Variants in MOCS2 observed in about 807,000 individuals in gnomAD.
MOCS2 encodes molybdenum cofactor synthesis 2, also known as molybdopterin synthase catalytic subunit.
In MOCS2, 13 loss-of-function variants were observed where a neutral mutation model predicts 21.9. The ratio of observed to expected loss-of-function variants is 0.59; its 90% CI spans 0.39 to 0.94. The LOEUF is 0.94. Among genes scored for constraint, MOCS2 ranks in the 40% least tolerant of loss-of-function variants. The probability of loss-of-function intolerance (pLI) is 0.00; values close to 1 mark genes in which losing one functional copy is unlikely to be tolerated. For synonymous variants in MOCS2, 92 were observed against 80.8 expected (o/e 1.14, Z -0.74); for missense variants, 227 against 218.3 (o/e 1.04, Z -0.25).
intron 4 of MOCS2, 70 bp downstream of exon 4, chr5:53,102,027 G>C: frequency 3.3e-6 from 5 of 1,524,458 alleles, no homozygotes; most frequent in Non-Finnish European, 4.5e-6. Context: ...CGTTAACACT[G>C]AACATGGAAA....
intron 3 of MOCS2, among the ~76,000 whole-genome samples, chr5:53,105,278 A>T (rs971830734): frequency 6.6e-6 from 1 of 152,268 alleles, no homozygotes; most frequent in Non-Finnish European, 1.5e-5. Context: ...TTGAATCCTC[A>T]GCAAAAAGAA....
At chr5:53,100,862 T>C (rs1476415357) in intron 5 of MOCS2, 3 of 355,668 alleles carry the variant, frequency 8.4e-6, no homozygotes, top group Non-Finnish European at 1.6e-5. Context: ...TACAAAGTTA[T>C]GTCCTAACGA....
At position 53,103,858 on chromosome 5, in the gene MOCS2, G is replaced by A. The variant is rs79654024; in HGVS notation, c.99-1634C>T. Among the ~76,000 whole-genome samples the A allele has an allele frequency of 1.7e-4, 26 of 152,236 alleles. 1 individual carries two copies. Among genetic ancestry groups the A allele is most frequent in the Middle Eastern group, 6.8e-3 (2 of 294 alleles). ...GAGGAAGTCTTGTAAAGAAACCAGG[G>A]CACAGGCCCCCAGGCAGAGAGAGGG... On this transcript the variant is annotated intron_variant, in intron 3 of 6. Coordinates refer to ENST00000396954, the MANE Select transcript of MOCS2 (RefSeq NM_004531.5).
intron 3 of MOCS2, 29 bp from the exon 4 acceptor site, chr5:53,102,253 C>A (rs781300149): frequency 1.2e-6 from 2 of 1,604,074 alleles, no homozygotes; most frequent in South Asian, 1.1e-5. Flanking sequence ...CAAACCTTAA[C>A]AGAAGTCCTA....
rs1459472912 is a variant in MOCS2, at chr5:53,098,622, A to G, written c.547T>C (p.Phe183Leu). Residue 183 changes from phenylalanine (F) to leucine (L), a missense_variant, in exon 7 of 7, where the codon TTT becomes CTT. Physicochemically the swap from Phe to Leu is conservative, Grantham distance 22. Transcript: ENST00000396954. ...SSTWKGNKEC[F>L]WASNS ...AGTGATTAACTGTTGGATGCCCAAAAGCACTCTTTGTTTCCTTTCCAAGTT... is the reference window on the plus strand; with the variant it reads ...AGTGATTAACTGTTGGATGCCCAAAGGCACTCTTTGTTTCCTTTCCAAGTT... 1 of 1,613,860 alleles carries G rather than the reference A, an allele frequency of 6.2e-7. No homozygotes were observed. The highest frequency in any genetic ancestry group is 1.7e-5 in the Admixed American group (1 of 60,010).
At chr5:53,109,097 G>C (rs553819585) in intron 1 of MOCS2, among the ~76,000 whole-genome samples, 154 bp downstream of exon 1, 1 of 152,102 alleles carries the variant, frequency 6.6e-6, no homozygotes, top group Non-Finnish European at 1.5e-5. Context: ...GTATAACATC[G>C]TCCCCAGACG....
At chr5:53,103,893 T>C (rs960757379) in intron 3 of MOCS2, among the ~76,000 whole-genome samples, 8 of 152,278 alleles carry the variant, frequency 5.3e-5, no homozygotes, top group Admixed American at 4.6e-4. Flanking sequence ...GAGTGGCCAA[T>C]GCCAAGGCAC....
chr5:53,102,187 C>G lies in MOCS2; in HGVS notation c.136G>C (p.Val46Leu). The stretch of plus-strand genomic sequence containing the variant: ...AGTTTCTCGGCAGTAAAGTTTATAA[C>G]ATCTTTAGATTTCTCTTCAACTTCA... Reference protein sequence around the residue: ...MDEVEEKSKDVINFTAEKLSV... With the variant: ...MDEVEEKSKDLINFTAEKLSV... Residue 46 changes from valine to leucine, a missense_variant, in exon 4 of 7, where the codon GTT becomes CTT. Transcript: ENST00000396954. 6.2e-7 allele frequency: 1 copy of G among 1,612,214 alleles called. No homozygotes were observed. Among genetic ancestry groups the G allele is most frequent in the Non-Finnish European group, 8.5e-7 (1 of 1,178,504 alleles).
In MOCS2 at chr5:53,095,704, A is replaced by C. The variant is rs1170685752; in HGVS notation, c.*2898T>G. On this transcript the variant is annotated 3_prime_UTR_variant, in exon 7 of 7. Coordinates refer to ENST00000396954, the MANE Select transcript of MOCS2 (RefSeq NM_004531.5). ...TTAGAGAAAGAGAGCACTAAGTTTTATTTCTTTGTTTTTCACAGAGCAGGT... is the reference window on the plus strand; with the variant it reads ...TTAGAGAAAGAGAGCACTAAGTTTTCTTTCTTTGTTTTTCACAGAGCAGGT... The C allele has an allele frequency of 2.0e-5, 3 of 151,840 alleles. No individual in the cohort carries two copies. The highest frequency in any genetic ancestry group is 7.3e-5 in the African/African-American group (3 of 41,368). 9.4% of individuals were successfully genotyped at this position (151,840 alleles called of 1,614,324 possible). A position where few individuals can be genotyped will look rare whatever the true frequency, so the allele number is the denominator to read the frequency against.
Position 53,108,573 on chromosome 5 carries a change from T to G in MOCS2, c.-99A>C. ...CCACAGCTGCAACGCTTTTATTTCTTGAGGCACAGAAATGGTCTCTGAACG... is the reference window on the plus strand; with the variant it reads ...CCACAGCTGCAACGCTTTTATTTCTGGAGGCACAGAAATGGTCTCTGAACG... On this transcript the variant is annotated 5_prime_UTR_variant, in exon 2 of 7. Coordinates refer to ENST00000396954, the MANE Select transcript of MOCS2 (RefSeq NM_004531.5). The G allele has an allele frequency of 6.2e-7, 1 of 1,613,666 alleles. No individual in the cohort carries two copies. The highest frequency in any genetic ancestry group is 8.5e-7 in the Non-Finnish European group (1 of 1,179,684).
Position 53,105,646 on chromosome 5 carries a change from A to C in MOCS2, c.98+1431T>G, listed in dbSNP as rs568736656. Among the ~76,000 whole-genome samples, 3 of 152,318 alleles carry C rather than the reference A, an allele frequency of 2.0e-5. No individual in the cohort carries two copies. In the East Asian group the frequency reaches 5.8e-4, roughly 29 times the overall value. ...CCTGGAAGACAATCTAGGCAACACC[A>C]TTCTGGACATAAGAACAAGCAAAGA... On this transcript the variant is annotated intron_variant, in intron 3 of 6. Transcript: ENST00000396954.
intron 2 of MOCS2, chr5:53,108,036 C>T (rs987740746): frequency 6.5e-6 from 1 of 153,500 alleles, no homozygotes; most frequent in African/African-American, 2.4e-5. Flanking sequence ...GTGGGAATGA[C>T]ATAAGTAAAA....
chr5:53,107,956 A>G (rs153601), intron 2 of MOCS2: 76,918 of 152,882 alleles, frequency 0.5, 19,940 homozygotes, highest in African/African-American at 0.62. Context: ...CAAGCTAAGT[A>G]ACACCATTAA....
intron 3 of MOCS2, among the ~76,000 whole-genome samples, chr5:53,106,827 A>G (rs1402282657): frequency 6.6e-6 from 1 of 152,194 alleles, no homozygotes; most frequent in Non-Finnish European, 1.5e-5. Flanking sequence ...TAAGATCTCA[A>G]TAAACCATGT....
intron 3 of MOCS2, among the ~76,000 whole-genome samples, chr5:53,104,220 G>A (rs925507896): frequency 2.0e-5 from 3 of 152,074 alleles, no homozygotes; most frequent in African/African-American, 4.8e-5. Context: ...TACACAAGCC[G>A]CCTAAGTGTC....
intron 2 of MOCS2, chr5:53,107,499 G>A (rs958398908): frequency 3.6e-5 from 15 of 413,438 alleles, no homozygotes; most frequent in Non-Finnish European, 5.7e-5. Flanking sequence ...CCACCAGACT[G>A]GAGGCAACAC....
intron 6 of MOCS2, among the ~76,000 whole-genome samples, chr5:53,099,796 T>C (rs568583130): frequency 6.6e-5 from 10 of 152,322 alleles, no homozygotes; most frequent in Admixed American, 1.3e-4. Context: ...ATTCTAGACA[T>C]TGAATGTGCA....
chr5:53,099,167 C>G (rs530896309), intron 6 of MOCS2, among the ~76,000 whole-genome samples: 1 of 152,326 alleles, frequency 6.6e-6, no homozygotes, highest in African/African-American at 2.4e-5. Flanking sequence ...CATTCCATTT[C>G]TGTAGGGAGA....
chr5:53,101,704 C>T (rs527974231), intron 4 of MOCS2, among the ~76,000 whole-genome samples, 195 bp from the exon 5 acceptor site: 1 of 152,130 alleles, frequency 6.6e-6, no homozygotes, highest in Non-Finnish European at 1.5e-5. Context: ...CAGATCTTCA[C>T]AAAGATGAGC....
Sources: allele counts gnomAD v4.1 joint callset (sites outside exome capture counted in the v4.1 genomes callset), GRCh38; gene constraint gnomAD v4.1.1; transcripts MANE v1.5; gene names NCBI Gene and HGNC (gene_info 2026-07-23, HGNC 2026-07-21).